PUDP: variants seen among roughly 807,000 people sequenced by gnomAD.
PUDP encodes pseudouridine-5'-phosphatase.
A neutral mutation model predicts 9.4 loss-of-function variants in PUDP; 8 were observed. The ratio of observed to expected loss-of-function variants is 0.85; its 90% CI spans 0.50 to 1.53. The LOEUF (loss-of-function observed/expected upper bound fraction) is 1.53, where lower values mean the gene tolerates loss of function less well. Among genes scored for constraint, PUDP ranks in the 40% most tolerant of loss-of-function variants. PUDP has a pLI of 0.00. For missense variants in PUDP, 188 were observed against 189.7 expected, an observed-to-expected ratio of 0.99 and a Z score of 0.05; for synonymous variants, 99 against 80.7, an observed-to-expected ratio of 1.23 and a Z score of -1.22.
At chrX:6,763,304 A>C (rs1440962655) in intron 3 of PUDP, among the ~76,000 whole-genome samples, 1 of 111,592 alleles carries the variant, frequency 9.0e-6, no homozygotes, top group Admixed American at 9.5e-5. Context: ...TAGGAGAATC[A>C]CTTGAACCCG....
At chrX:6,757,282 A>G (rs967412011) in intron 3 of PUDP, among the ~76,000 whole-genome samples, 8 of 111,564 alleles carry the variant, frequency 7.2e-5, no homozygotes, top group African/African-American at 2.6e-4. Context: ...TATAGTGAAC[A>G]TATTTTCAGC....
intron 3 of PUDP, among the ~76,000 whole-genome samples, chrX:6,948,057 T>C (rs923306912): frequency 5.4e-5 from 6 of 112,040 alleles, no homozygotes; most frequent in African/African-American, 1.9e-4. Context: ...TCTAACATGA[T>C]TCCCTGCCCT....
At chrX:7,003,385 C>T (rs888396286) in intron 1 of PUDP, among the ~76,000 whole-genome samples, 1 of 111,288 alleles carries the variant, frequency 9.0e-6, no homozygotes, top group African/African-American at 3.3e-5. Flanking sequence ...CATTCTGTGA[C>T]TCAAGGTGTT....
intron 3 of PUDP, among the ~76,000 whole-genome samples, chrX:6,882,488 A>G (rs1410143563): frequency 9.0e-6 from 1 of 111,552 alleles, no homozygotes; most frequent in Non-Finnish European, 1.9e-5. Flanking sequence ...ACCATATGAA[A>G]ATGATGTTAT....
intron 3 of PUDP, among the ~76,000 whole-genome samples, chrX:6,884,061 T>C (rs1056519754): frequency 2.7e-5 from 3 of 111,318 alleles, no homozygotes; most frequent in Middle Eastern, 4.7e-3. Context: ...AGGGTGGTCT[T>C]GATCTCCTGA....
intron 3 of PUDP, among the ~76,000 whole-genome samples, chrX:6,741,975 C>T (rs1924946040): frequency 9.1e-6 from 1 of 110,444 alleles, no homozygotes; most frequent in Admixed American, 9.7e-5. Flanking sequence ...CATGCCTCAG[C>T]CTCCCGAGTA....
In PUDP at chrX:7,015,004, G is replaced by C. The variant is rs966767078; in HGVS notation, c.205-36661C>G. On this transcript the variant is annotated intron_variant and NMD_transcript_variant, in intron 1 of 3. Coordinates refer to the PUDP transcript ENST00000655425. ...TCCCTGGTCTTGTTTCTGTTCTCTG[G>C]GATGACACAGAATATATCGAATTCA... Among the ~76,000 whole-genome samples, 6 of 111,557 alleles carry C rather than the reference G, an allele frequency of 5.4e-5. No homozygotes were observed. In the Admixed American group the frequency reaches 5.7e-4, roughly 11 times the overall value.
intron 3 of PUDP, among the ~76,000 whole-genome samples, chrX:6,760,045 GT>G (rs1471085055): frequency 1.8e-5 from 2 of 110,880 alleles, no homozygotes; most frequent in Non-Finnish European, 3.8e-5. Flanking sequence ...ATTTATTTAG[GT>G]TTTTTTTCTT....
intron 1 of PUDP, among the ~76,000 whole-genome samples, chrX:7,136,778 C>G (rs1284616304): frequency 3.8e-5 from 4 of 104,547 alleles, no homozygotes; most frequent in African/African-American, 7.0e-5. Context: ...GTCCCGGTCC[C>G]TAGAATCAGC....
At chrX:6,904,358 T>C (rs6639699) in intron 3 of PUDP, among the ~76,000 whole-genome samples, 38,895 of 109,584 alleles carry the variant, frequency 0.35, 5,511 homozygotes, top group East Asian at 0.64. Context: ...AGGGAGGTGA[T>C]AGCAGCATCT....
rs755176845 is a variant in PUDP, at chrX:7,055,891, C to T, written c.511-5419G>A. 2.4e-4 allele frequency among the ~76,000 whole-genome samples: 27 copies of T among 111,994 alleles called. No homozygotes were observed. The South Asian group carries it at 4.1e-3, about 17-fold the overall frequency. On this transcript the variant is annotated intron_variant, in intron 3 of 3. Coordinates refer to ENST00000381077, the MANE Select transcript of PUDP (RefSeq NM_012080.5). ...AGGCAGAAATATCTCAACACAGTTT[C>T]CGTCTGCCACACCCAGCTACAGGGA...
At chrX:6,935,251 A>C (rs1928277876) in intron 3 of PUDP, among the ~76,000 whole-genome samples, 1 of 99,236 alleles carries the variant, frequency 1.0e-5, no homozygotes, top group Non-Finnish European at 2.0e-5. Context: ...CTCCTCAGCA[A>C]ATGTAAAAGA....
chrX:7,063,053 A>G (rs923661414), intron 3 of PUDP, among the ~76,000 whole-genome samples: 1 of 110,706 alleles, frequency 9.0e-6, no homozygotes, highest in Non-Finnish European at 1.9e-5. Context: ...ATTCTTTGAA[A>G]CTGCTGGTAT....
At chrX:7,089,233 G>A (rs1212700521) in intron 2 of PUDP, among the ~76,000 whole-genome samples, 2 of 111,405 alleles carry the variant, frequency 1.8e-5, no homozygotes, top group African/African-American at 6.5e-5. Context: ...TTCCATCAGT[G>A]GGCCTCGAAA....
chrX:7,131,711 G>A (rs189528037), intron 1 of PUDP, among the ~76,000 whole-genome samples: 172 of 108,041 alleles, frequency 1.6e-3, no homozygotes, highest in African/African-American at 5.5e-3. Context: ...GTGTCTAAGC[G>A]CCAACAGTCC....
At chrX:6,969,333 G>C (rs1031349844) in intron 3 of PUDP, among the ~76,000 whole-genome samples, 5 of 112,035 alleles carry the variant, frequency 4.5e-5, no homozygotes, top group Admixed American at 9.4e-5. Context: ...AGGTGTCCTC[G>C]TCTCTTGGCT....
At chrX:6,775,512 C>CATACACAA (rs1464176271) in intron 3 of PUDP, among the ~76,000 whole-genome samples, 1 of 109,967 alleles carries the variant, frequency 9.1e-6, no homozygotes, top group Non-Finnish European at 1.9e-5. Flanking sequence ...CATACACACA[C>CATACACAA]ACACACACAC....
chrX:6,724,247 G>A (rs1924712305), upstream of PUDP, among the ~76,000 whole-genome samples: 1 of 111,031 alleles, frequency 9.0e-6, no homozygotes, highest in African/African-American at 3.3e-5. Context: ...ACAAAAACAT[G>A]TTGCCTGAGT....
At chrX:6,995,063 A>C (rs1195511569) in intron 1 of PUDP, among the ~76,000 whole-genome samples, 1 of 112,073 alleles carries the variant, frequency 8.9e-6, no homozygotes, top group African/African-American at 3.2e-5. Context: ...GCATAGACTT[A>C]TGAGAATATT....
Sources: gnomAD v4.1 joint callset for allele counts (sites outside exome capture counted in the v4.1 genomes callset) on GRCh38, gnomAD v4.1.1 for gene constraint, MANE v1.5 for transcripts, NCBI Gene and HGNC (gene_info 2026-07-23, HGNC 2026-07-21) for gene names.